The following GMFG variants were observed in gnomAD, a reference collection of about 807,000 sequenced individuals.
GMFG encodes the protein glia maturation factor gamma.
GMFG carries 21 observed loss-of-function variants against 26.1 expected under a neutral mutation model. The observed-to-expected ratio is 0.80, with a 90% CI of 0.57 to 1.16. The LOEUF is 1.16. GMFG is among the 50% of genes most tolerant of loss of function. GMFG has a pLI of 0.00. For synonymous variants in GMFG, 65 were observed against 60.8 expected (o/e 1.07, Z -0.32); for missense variants, 161 against 178.3 (o/e 0.90, Z 0.55).
intron 4 of GMFG, among the ~76,000 whole-genome samples, chr19:39,331,231 T>A (rs2075225016): frequency 6.6e-6 from 1 of 152,172 alleles, no homozygotes. Context: ...AGTGGGTGGC[T>A]GAGAACCTGT....
chr19:39,330,426 CT>C (rs1001139553), intron 4 of GMFG, among the ~76,000 whole-genome samples: 16 of 148,380 alleles, frequency 1.1e-4, no homozygotes, highest in East Asian at 2.0e-4. Context: ...TGATCATCGT[CT>C]TTTTTTTTTA....
At chr19:39,333,154 A>G (rs896956999) in intron 3 of GMFG, 28 bp from the exon 4 acceptor site, 2 of 1,531,588 alleles carry the variant, frequency 1.3e-6, no homozygotes, top group Non-Finnish European at 8.9e-7. Context: ...AAGAAAAGAC[A>G]AAGAATGAGG....
Position 39,328,989 on chromosome 19 carries a change from C to G in GMFG, c.357+11G>C. 6.3e-7 allele frequency: 1 copy of G among 1,598,142 alleles called. No individual in the cohort carries two copies. The highest frequency in any genetic ancestry group is 8.6e-7 in the Non-Finnish European group (1 of 1,165,328). ...CTCCCTAACACTCTGGAGCCCCATC[C>G]CAGTCTGAACCTTTGTGAGCTCTGC... On this transcript the variant is annotated intron_variant, in intron 6 of 6. Transcript: ENST00000597595.
chr19:39,335,898 C>A, intron 1 of GMFG, 76 bp downstream of exon 1: 1 of 1,018,482 alleles, frequency 9.8e-7, no homozygotes, highest in East Asian at 2.5e-5. Context: ...CATAGCCTGA[C>A]CTTCGCCCAG....
chr19:39,329,185 T>C, intron 5 of GMFG, 112 bp from the exon 6 acceptor site: 1 of 714,868 alleles, frequency 1.4e-6, no homozygotes, highest in South Asian at 1.6e-5. Flanking sequence ...GGAGCTCTTC[T>C]AAGGAGGTCC....
intron 6 of GMFG, 133 bp downstream of exon 6, chr19:39,328,867 G>T: frequency 1.4e-6 from 1 of 723,160 alleles, no homozygotes; most frequent in South Asian, 1.5e-5. Context: ...GACAGAGCGA[G>T]ACCCAGTTCT....
chr19:39,329,575 G>A lies in GMFG; in HGVS notation c.252C>T (p.Tyr84=). ...GGCTGGAGAAGATGAAACACAAAGG[G>A]TAGGACACTCGGCCATCGTCATGCA... The part of the protein sequence containing the change: ...KYVHDDGRVS[Y]PLCFIFSSPV... Residue 84 remains tyrosine, a synonymous_variant, in exon 5 of 7, where the codon TAC becomes TAT. Coordinates refer to ENST00000597595, the MANE Select transcript of GMFG (RefSeq NM_004877.4). 6.2e-7 allele frequency: 1 copy of A among 1,609,964 alleles called. No individual in the cohort carries two copies. Among genetic ancestry groups the A allele is most frequent in the South Asian group, 1.1e-5 (1 of 90,950 alleles).
chr19:39,330,664 T>A (rs971028976), intron 4 of GMFG, among the ~76,000 whole-genome samples: 2 of 151,426 alleles, frequency 1.3e-5, no homozygotes, highest in African/African-American at 4.9e-5. Flanking sequence ...GGACGTGGTC[T>A]CAGCTCATTG....
intron 3 of GMFG, among the ~76,000 whole-genome samples, chr19:39,334,017 CTTTTTTTTTTT>C (rs71169586): frequency 1.3e-4 from 12 of 94,974 alleles, no homozygotes; most frequent in East Asian, 3.5e-4. Flanking sequence ...GAGATGGAGT[CTTTTTTTTTTT>C]TTTTTTTTTT....
chr19:39,328,600 G>T, intron 6 of GMFG, 52 bp from the exon 7 acceptor site: 1 of 1,355,364 alleles, frequency 7.4e-7, no homozygotes, highest in Non-Finnish European at 1.1e-6. Flanking sequence ...CTGAGACAGT[G>T]GCTGGGCACG....
intron 6 of GMFG, 188 bp from the exon 7 acceptor site, chr19:39,328,736 A>C (rs2075213754): frequency 1.6e-6 from 1 of 610,410 alleles, no homozygotes; most frequent in East Asian, 2.8e-5. Context: ...AAAAGTAGCC[A>C]GGTGTGGTGG....
intron 1 of GMFG, among the ~76,000 whole-genome samples, 182 bp from the exon 2 acceptor site, chr19:39,335,713 TG>T (rs1475862244): frequency 6.6e-6 from 1 of 152,090 alleles, no homozygotes; most frequent in South Asian, 2.1e-4. Context: ...GCACTCAGCT[TG>T]GGGGGCGGAG....
chr19:39,335,010 T>C (rs1335637420), intron 3 of GMFG, among the ~76,000 whole-genome samples: 4 of 151,942 alleles, frequency 2.6e-5, no homozygotes, highest in Non-Finnish European at 4.4e-5. Context: ...CCACCATGCC[T>C]AGCTAACTTT....
chr19:39,335,277 A>G lies in GMFG; in HGVS notation c.134T>C (p.Leu45Pro), dbSNP rs756107664. The G allele has an allele frequency of 1.9e-6, 3 of 1,561,702 alleles. No individual in the cohort carries two copies. The East Asian group carries it at 6.7e-5, about 35-fold the overall frequency. Residue 45 changes from leucine to proline, a missense_variant, in exon 3 of 7, where the codon CTG (leucine) becomes CCG (proline). Coordinates refer to ENST00000597595, the MANE Select transcript of GMFG (RefSeq NM_004877.4). ...GCCCATCACCTGAAATTCTTCCTCCAGCACCACCATCTGCCGGTCTTTGTC... is the reference window on the plus strand; with the variant it reads ...GCCCATCACCTGAAATTCTTCCTCCGGCACCACCATCTGCCGGTCTTTGTC... ...KVDKDRQMVVLEEEFQNISPE... is the reference protein window; with the variant it reads ...KVDKDRQMVVPEEEFQNISPE...
At chr19:39,333,845 CT>C (rs1447335515) in intron 3 of GMFG, among the ~76,000 whole-genome samples, 1 of 152,042 alleles carries the variant, frequency 6.6e-6, no homozygotes, top group African/African-American at 2.4e-5. Flanking sequence ...ACTATACTGC[CT>C]TTCAGAGGGC....
At chr19:39,334,181 TA>T (rs2075239347) in intron 3 of GMFG, among the ~76,000 whole-genome samples, 1 of 151,982 alleles carries the variant, frequency 6.6e-6, no homozygotes, top group African/African-American at 2.4e-5. Flanking sequence ...CACACCCAGC[TA>T]ATTTTTTGAA....
intron 5 of GMFG, 58 bp from the exon 6 acceptor site, chr19:39,329,131 C>T (rs1346646916): frequency 8.2e-7 from 1 of 1,221,974 alleles, no homozygotes; most frequent in Non-Finnish European, 1.2e-6. Flanking sequence ...TTCTCTAAAG[C>T]TCTAGTAATG....
At position 39,328,398 on chromosome 19, in the gene GMFG, T is replaced by A; in HGVS notation, c.*79A>T. 1.1e-6 allele frequency: 1 copy of A among 893,780 alleles called. No individual in the cohort carries two copies. The highest frequency in any genetic ancestry group is 2.4e-5 in the East Asian group (1 of 41,098). 55.4% of individuals were successfully genotyped at this position (893,780 alleles called of 1,614,324 possible). On this transcript the variant is annotated 3_prime_UTR_variant, in exon 7 of 7. Transcript: ENST00000597595. ...TTTTAAAATTTATTTAAAGTCTTGG[T>A]TGTTCAGGTCCTAGGGGTTCCAAGT...
At position 39,328,508 on chromosome 19, in the gene GMFG, C is replaced by T. The variant is rs780659869; in HGVS notation, c.398G>A (p.Trp133Ter). ...AAAGAAAGACAACTTTTCTTGGAGCCAGGCCTCAGTGAGGTCATCAGTGGT... is the reference window on the plus strand; with the variant it reads ...AAAGAAAGACAACTTTTCTTGGAGCTAGGCCTCAGTGAGGTCATCAGTGGT... ...IRTTDDLTEAWLQEKLSFFR is the reference protein window; with the variant it reads ...IRTTDDLTEA Residue 133 changes from tryptophan (W) to a stop codon, truncating the protein, a stop_gained, in exon 7 of 7, where the codon TGG becomes TAG. Coordinates refer to ENST00000597595, the MANE Select transcript of GMFG (RefSeq NM_004877.4). LOFTEE classifies it high-confidence loss of function. 2 of 1,613,470 alleles carry T rather than the reference C, an allele frequency of 1.2e-6. No individual in the cohort carries two copies. The highest frequency in any genetic ancestry group is 1.7e-6 in the Non-Finnish European group (2 of 1,179,446).
Sources: allele counts gnomAD v4.1 joint callset (sites outside exome capture counted in the v4.1 genomes callset), GRCh38; gene constraint gnomAD v4.1.1; transcripts MANE v1.5; gene names NCBI Gene and HGNC (gene_info 2026-07-23, HGNC 2026-07-21).